The following SLC44A5 variants were observed in gnomAD, a reference collection of about 807,000 sequenced individuals.
The protein encoded by SLC44A5 is solute carrier family 44 member 5, also known as choline transporter-like protein 5.
In SLC44A5, 57 loss-of-function variants were observed where a neutral mutation model predicts 101.8. That is an observed-to-expected ratio of 0.56 (90% CI 0.45 to 0.70). The LOEUF (loss-of-function observed/expected upper bound fraction) is 0.70, where lower values mean the gene tolerates loss of function less well. Among genes scored for constraint, SLC44A5 ranks in the 30% least tolerant of loss-of-function variants. The pLI is 0.00. For synonymous variants in SLC44A5, 281 were observed against 290.9 expected, an observed-to-expected ratio of 0.97 and a Z score of 0.35; for missense variants, 737 against 853.1, an observed-to-expected ratio of 0.86 and a Z score of 1.70.
At chr1:75,512,442 G>T (rs1392425884) in intron 2 of SLC44A5, among the ~76,000 whole-genome samples, 1 of 152,022 alleles carries the variant, frequency 6.6e-6, no homozygotes, top group Non-Finnish European at 1.5e-5. Context: ...GTTTTTTTTA[G>T]CATTTTCTGA....
intron 1 of SLC44A5, among the ~76,000 whole-genome samples, chr1:75,608,304 T>G (rs908872992): frequency 1.3e-5 from 2 of 151,870 alleles, no homozygotes; most frequent in Non-Finnish European, 2.9e-5. Flanking sequence ...TATCCACAGA[T>G]GAATGGATAA....
At chr1:75,520,695 A>C (rs1269969027) in intron 2 of SLC44A5, among the ~76,000 whole-genome samples, 1 of 152,222 alleles carries the variant, frequency 6.6e-6, no homozygotes, top group Non-Finnish European at 1.5e-5. Flanking sequence ...AAAGACTCGC[A>C]AAATGAAGTA....
chr1:75,549,775 G>A (rs1443845), intron 1 of SLC44A5, among the ~76,000 whole-genome samples: 24,981 of 151,988 alleles, frequency 0.16, 2,234 homozygotes, highest in Admixed American at 0.24. Flanking sequence ...TATATCTGGA[G>A]ATTTGAAGGA....
At chr1:75,575,190 G>A (rs562303283) in intron 1 of SLC44A5, among the ~76,000 whole-genome samples, 12 of 152,216 alleles carry the variant, frequency 7.9e-5, no homozygotes, top group African/African-American at 2.9e-4. Flanking sequence ...TACTTTCGAT[G>A]CAGCCTAATA....
At chr1:75,330,151 G>GTATATGCCTATATATACGTA (rs1656926389) in intron 4 of SLC44A5, among the ~76,000 whole-genome samples, 1 of 117,788 alleles carries the variant, frequency 8.5e-6, no homozygotes, top group Non-Finnish European at 1.7e-5. Context: ...ATGCATATAC[G>GTATATGCCTATATATACGTA]TATATGCATA....
intron 2 of SLC44A5, among the ~76,000 whole-genome samples, chr1:75,468,847 G>T (rs931448361): frequency 1.3e-5 from 2 of 152,112 alleles, no homozygotes; most frequent in African/African-American, 4.8e-5. Flanking sequence ...AGTGACCCAA[G>T]AGATAAATGT....
intron 1 of SLC44A5, among the ~76,000 whole-genome samples, chr1:75,566,140 C>G (rs966113703): frequency 2.6e-5 from 4 of 152,062 alleles, no homozygotes; most frequent in Non-Finnish European, 5.9e-5. Flanking sequence ...TGCCACAGCA[C>G]CAGAGGTTAT....
At chr1:75,499,330 C>G (rs1405849804) in intron 2 of SLC44A5, among the ~76,000 whole-genome samples, 1 of 152,182 alleles carries the variant, frequency 6.6e-6, no homozygotes, top group Non-Finnish European at 1.5e-5. Context: ...CAACATAGAT[C>G]CCTCGCACGT....
intron 6 of SLC44A5, among the ~76,000 whole-genome samples, chr1:75,273,300 C>T (rs1284215877): frequency 6.6e-6 from 1 of 152,054 alleles, no homozygotes; most frequent in Non-Finnish European, 1.5e-5. Flanking sequence ...CTTTAGTTTT[C>T]TAGCTATGTG....
At chr1:75,413,844 G>C (rs982496353) in intron 2 of SLC44A5, among the ~76,000 whole-genome samples, 7 of 152,104 alleles carry the variant, frequency 4.6e-5, no homozygotes, top group Non-Finnish European at 1.0e-4. Context: ...ATATGGCTAG[G>C]GATAAATACA....
At chr1:75,258,586 G>A (rs1215126325) in intron 6 of SLC44A5, among the ~76,000 whole-genome samples, 1 of 152,102 alleles carries the variant, frequency 6.6e-6, no homozygotes, top group East Asian at 1.9e-4. Flanking sequence ...AGGAAGGGGC[G>A]GTCGGGGGTC....
chr1:75,670,043 G>C, the SLC44A5 span, among the ~76,000 whole-genome samples: 1 of 152,096 alleles, frequency 6.6e-6, no homozygotes. Flanking sequence ...CAGCCTGAAG[G>C]AGCTCAAGAG....
At chr1:75,700,477 T>G in the SLC44A5 span, among the ~76,000 whole-genome samples, 2 of 152,132 alleles carry the variant, frequency 1.3e-5, no homozygotes, top group African/African-American at 4.8e-5. Context: ...AGACACAACA[T>G]ACCAGAATCT....
chr1:75,540,101 A>G (rs1047643533), intron 2 of SLC44A5, among the ~76,000 whole-genome samples: 3 of 152,200 alleles, frequency 2.0e-5, no homozygotes, highest in African/African-American at 2.4e-5. Context: ...TGGTAATTCT[A>G]TATTAAATTC....
chr1:75,576,776 G>A (rs1173711895), intron 1 of SLC44A5, among the ~76,000 whole-genome samples: 5 of 152,178 alleles, frequency 3.3e-5, no homozygotes, highest in African/African-American at 1.2e-4. Flanking sequence ...CTTAGAAGCA[G>A]GGGCTGTGAT....
At chr1:75,495,333 T>C (rs1557846025) in intron 2 of SLC44A5, among the ~76,000 whole-genome samples, 1 of 152,036 alleles carries the variant, frequency 6.6e-6, no homozygotes, top group East Asian at 1.9e-4. Flanking sequence ...CGGGCACCTG[T>C]AGTCCTAGCT....
At chr1:75,595,483 C>G (rs570138488) in intron 1 of SLC44A5, among the ~76,000 whole-genome samples, 31 of 152,034 alleles carry the variant, frequency 2.0e-4, no homozygotes, top group Middle Eastern at 6.8e-3. Flanking sequence ...TTAGATAGTT[C>G]CCTATTTGAA....
chr1:75,685,690 C>A, the SLC44A5 span, among the ~76,000 whole-genome samples: 1 of 152,138 alleles, frequency 6.6e-6, no homozygotes, highest in Non-Finnish European at 1.5e-5. Context: ...AAGTTCCAAA[C>A]TTTCCCACAC....
intron 23 of SLC44A5, among the ~76,000 whole-genome samples, chr1:75,207,603 A>G (rs943816147): frequency 7.9e-5 from 12 of 152,294 alleles, no homozygotes; most frequent in Admixed American, 7.9e-4. Context: ...TAGCGCTCAC[A>G]GTGACCTTCC....
Sources: gnomAD v4.1 joint callset for allele counts (sites outside exome capture counted in the v4.1 genomes callset) on GRCh38, gnomAD v4.1.1 for gene constraint, MANE v1.5 for transcripts, NCBI Gene and HGNC (gene_info 2026-07-23, HGNC 2026-07-21) for gene names.